The following EPHB2 variants were observed in gnomAD, a reference collection of about 807,000 sequenced individuals.
EPHB2 encodes the protein EPH receptor B2.
EPHB2 carries 18 observed loss-of-function variants against 96.4 expected under a neutral mutation model. The ratio of observed to expected loss-of-function variants is 0.19; its 90% CI spans 0.13 to 0.28. EPHB2 has a LOEUF of 0.28. EPHB2 is among the 10% of genes least tolerant of loss of function. EPHB2 has a pLI of 1.00. For missense variants in EPHB2, 989 were observed against 1,355.4 expected (o/e 0.73, Z 4.25); for synonymous variants, 506 against 534.1 (o/e 0.95, Z 0.72).
chr1:22,796,064 T>A (rs548371185), intron 3 of EPHB2, among the ~76,000 whole-genome samples: 1 of 152,200 alleles, frequency 6.6e-6, no homozygotes, highest in Admixed American at 6.5e-5. Flanking sequence ...CAACAAGTAT[T>A]TATTGAGCAC....
intron 1 of EPHB2, among the ~76,000 whole-genome samples, chr1:22,758,421 C>T (rs996613201): frequency 6.6e-6 from 1 of 152,014 alleles, no homozygotes; most frequent in African/African-American, 2.4e-5. Context: ...GATATGGCAG[C>T]CCGTCGTAAG....
intron 3 of EPHB2, among the ~76,000 whole-genome samples, chr1:22,809,546 G>A (rs978612999): frequency 6.6e-6 from 1 of 152,146 alleles, no homozygotes; most frequent in Non-Finnish European, 1.5e-5. Context: ...CAGGATCCTT[G>A]TTGAATCCTC....
chr1:22,885,474 C>T (rs971587624), intron 6 of EPHB2, among the ~76,000 whole-genome samples: 2 of 152,236 alleles, frequency 1.3e-5, no homozygotes, highest in African/African-American at 4.8e-5. Flanking sequence ...CTGCAGCAGC[C>T]AAGGTTACCA....
chr1:22,880,545 T>C (rs1639004623), intron 5 of EPHB2, among the ~76,000 whole-genome samples: 1 of 152,226 alleles, frequency 6.6e-6, no homozygotes. Context: ...CAAGGAGGCT[T>C]GCCAGCGTCA....
rs531585463 is a variant in EPHB2 at position 22,918,916 on chromosome 1, G to A, written c.*5346G>A. The A allele has an allele frequency of 6.6e-6, 1 of 152,310 alleles. No individual in the cohort carries two copies. Among genetic ancestry groups the A allele is most frequent in the African/African-American group, 2.4e-5 (1 of 41,570 alleles). The allele number at this position is 152,310 out of a possible 1,614,324, so 9.4% of individuals were successfully genotyped here. A position where few individuals can be genotyped will look rare whatever the true frequency, so the allele number is the denominator to read the frequency against. ...TGAGTGAGGAAACTGATTCCCAGAG[G>A]TGATTCCCAGAAGATTCCAACCAGG... On this transcript the variant is annotated 3_prime_UTR_variant, in exon 16 of 16. Transcript: ENST00000374630. The surrounding 1 kb of genome is among the most constrained non-coding windows in gnomAD (Gnocchi z 4.2).
intron 1 of EPHB2, among the ~76,000 whole-genome samples, chr1:22,744,387 C>T: frequency 6.6e-6 from 1 of 151,188 alleles, no homozygotes. Context: ...CGACCAGAAG[C>T]CTTACTGATA....
chr1:22,911,146 ATAAAT>A (rs1640088593), intron 14 of EPHB2, among the ~76,000 whole-genome samples: 2 of 141,134 alleles, frequency 1.4e-5, no homozygotes, highest in African/African-American at 6.1e-5. Context: ...ATCTAAAAAA[ATAAAT>A]AAATAAATAA....
At position 22,817,072 on chromosome 1, in the gene EPHB2, G is replaced by A. The variant is rs893482908; in HGVS notation, c.811+31996G>A. On this transcript the variant is annotated intron_variant, in intron 3 of 15. Transcript: ENST00000374630. Reference sequence around the variant, plus strand: ...TGGTAGACAGGAAGATCAATACCAAGGTGGATGGGCAGCCTCGCTGGATGC... The same window carrying A: ...TGGTAGACAGGAAGATCAATACCAAAGTGGATGGGCAGCCTCGCTGGATGC... 4.6e-5 allele frequency among the ~76,000 whole-genome samples: 7 copies of A among 152,236 alleles called. No homozygotes were observed. In the East Asian group the frequency reaches 1.3e-3, roughly 29 times the overall value.
chr1:22,720,661 C>T (rs948149410), intron 1 of EPHB2, among the ~76,000 whole-genome samples: 1 of 56,578 alleles, frequency 1.8e-5, no homozygotes, highest in Non-Finnish European at 3.5e-5. Flanking sequence ...AAATCTCATT[C>T]CCCCCCCCCC....
At chr1:22,862,539 C>A (rs769809269) in intron 3 of EPHB2, among the ~76,000 whole-genome samples, 17 of 152,194 alleles carry the variant, frequency 1.1e-4, no homozygotes, top group African/African-American at 3.4e-4. Context: ...AAAGCCAGGT[C>A]GGTCTTATTC....
intron 13 of EPHB2, 72 bp downstream of exon 13, chr1:22,909,243 C>T: frequency 6.2e-7 from 1 of 1,609,408 alleles, no homozygotes. Context: ...GGGCTCCTGG[C>T]CTTGTGCCAG....
At chr1:22,912,874 G>A in intron 15 of EPHB2, 1 of 466,940 alleles carries the variant, frequency 2.1e-6, no homozygotes, top group Non-Finnish European at 4.0e-6. Flanking sequence ...GGTTGAGGGA[G>A]ATATAAAGGA....
intron 3 of EPHB2, among the ~76,000 whole-genome samples, chr1:22,786,260 C>A (rs1277875919): frequency 6.6e-6 from 1 of 152,172 alleles, no homozygotes; most frequent in East Asian, 1.9e-4. Context: ...TTCCAGTACA[C>A]AGGAAGTGCT....
intron 1 of EPHB2, among the ~76,000 whole-genome samples, chr1:22,713,032 C>T (rs891382666): frequency 1.3e-5 from 2 of 152,116 alleles, no homozygotes; most frequent in African/African-American, 4.8e-5. Context: ...ATCTGGTGGG[C>T]TGTGGCCAGC....
At position 22,727,539 on chromosome 1, in the gene EPHB2, T is replaced by C. The variant is rs1191537911; in HGVS notation, c.61+16496T>C. Among the ~76,000 whole-genome samples, 3 of 152,064 alleles carry C rather than the reference T, an allele frequency of 2.0e-5. No individual in the cohort carries two copies. The East Asian group carries it at 5.8e-4, about 29-fold the overall frequency. ...AACCCAAGCAGCACCCTGAGAACCA[T>C]CCCAGAATATGCAGAGTGTCAGAGC... On this transcript the variant is annotated intron_variant, in intron 1 of 15. Transcript: ENST00000374630.
rs993683395 is a variant in EPHB2 at position 22,917,616 on chromosome 1, C to T, written c.*4046C>T. The T allele has an allele frequency of 6.6e-5, 10 of 152,168 alleles. No individual in the cohort carries two copies. The highest frequency in any genetic ancestry group is 2.4e-4 in the African/African-American group (10 of 41,418). The allele number at this position is 152,168 out of a possible 1,614,324, so 9.4% of individuals were successfully genotyped here. A position where few individuals can be genotyped will look rare whatever the true frequency, so the allele number is the denominator to read the frequency against. On this transcript the variant is annotated 3_prime_UTR_variant, in exon 16 of 16. Coordinates refer to ENST00000374630, the MANE Select transcript of EPHB2 (RefSeq NM_017449.5). ...AGGCAGGCTGTGCAAAACACTTATA[C>T]ACCTTAGTCCCATGAGGAAGGAGTA...
In EPHB2 at chr1:22,881,147, C is replaced by G. The variant is rs558274024; in HGVS notation, c.1304-1212C>G. ...CAGGCACAGTGTCTCATGCCTATAA[C>G]CCCAGCACTCTGGGAGACTGAGGCA... is the stretch of plus-strand genomic sequence containing the variant. On this transcript the variant is annotated intron_variant, in intron 5 of 15. Transcript: ENST00000374630. Among the ~76,000 whole-genome samples, 110 of 152,244 alleles carry G rather than the reference C, an allele frequency of 7.2e-4. 1 individual carries two copies. Among genetic ancestry groups the G allele is most frequent in the Admixed American group, 1.4e-3 (22 of 15,300 alleles).
chr1:22,871,099 G>A (rs550143345), intron 5 of EPHB2, among the ~76,000 whole-genome samples: 122 of 152,306 alleles, frequency 8.0e-4, no homozygotes, highest in Admixed American at 1.8e-3. Flanking sequence ...TCCTCACAAC[G>A]ATACGAGGTA....
chr1:22,777,883 C>T (rs961258114), intron 1 of EPHB2, among the ~76,000 whole-genome samples: 3 of 152,222 alleles, frequency 2.0e-5, no homozygotes, highest in African/African-American at 7.2e-5. Context: ...GCAGCTATTA[C>T]TAAGTGAGGA....
Sources: allele counts gnomAD v4.1 joint callset (sites outside exome capture counted in the v4.1 genomes callset), GRCh38; gene constraint gnomAD v4.1.1; non-coding constraint Gnocchi (gnomAD v3.1); transcripts MANE v1.5; gene names NCBI Gene and HGNC (gene_info 2026-07-23, HGNC 2026-07-21).